The following AGBL4 variants were observed in gnomAD, a reference collection of about 807,000 sequenced individuals.
The protein encoded by AGBL4 is AGBL carboxypeptidase 4.
In AGBL4, 58 loss-of-function variants were observed where a neutral mutation model predicts 66.4. The observed-to-expected ratio is 0.87, with a 90% CI of 0.71 to 1.09. The LOEUF is 1.09. Among genes scored for constraint, AGBL4 ranks in the 50% least tolerant of loss-of-function variants. The pLI, the probability that AGBL4 is intolerant of heterozygous loss-of-function variation, is 0.00. For missense variants in AGBL4, 579 were observed against 631.0 expected, an observed-to-expected ratio of 0.92 and a Z score of 0.88; for synonymous variants, 234 against 222.9, an observed-to-expected ratio of 1.05 and a Z score of -0.44.
At chr1:49,386,601 G>T (rs1644742096) in intron 3 of AGBL4, among the ~76,000 whole-genome samples, 1 of 151,788 alleles carries the variant, frequency 6.6e-6, no homozygotes, top group South Asian at 2.1e-4. Context: ...ATTATTTTTG[G>T]AAACACAATG....
intron 4 of AGBL4, among the ~76,000 whole-genome samples, chr1:49,217,195 T>C (rs573613548): frequency 6.6e-6 from 1 of 152,142 alleles, no homozygotes; most frequent in Non-Finnish European, 1.5e-5. Flanking sequence ...GTGCTAGTTA[T>C]GTAATTTATA....
chr1:48,610,799 T>C (rs1443821671), intron 9 of AGBL4, among the ~76,000 whole-genome samples: 1 of 152,126 alleles, frequency 6.6e-6, no homozygotes, highest in Non-Finnish European at 1.5e-5. Flanking sequence ...CTTCCCACAC[T>C]CCCTGTCTCC....
intron 2 of AGBL4, among the ~76,000 whole-genome samples, chr1:49,834,012 G>C (rs1470220991): frequency 6.6e-6 from 1 of 152,198 alleles, no homozygotes; most frequent in Admixed American, 6.5e-5. Context: ...TTTTCGCATC[G>C]ATGTTCATCA....
intron 1 of AGBL4, among the ~76,000 whole-genome samples, chr1:50,009,616 T>C (rs984691958): frequency 3.3e-5 from 5 of 151,422 alleles, no homozygotes; most frequent in African/African-American, 4.9e-5. Flanking sequence ...ACAAGGATGC[T>C]CACTTTCACC....
At chr1:48,946,440 A>AG (rs1656515264) in intron 5 of AGBL4, among the ~76,000 whole-genome samples, 1 of 152,226 alleles carries the variant, frequency 6.6e-6, no homozygotes, top group African/African-American at 2.4e-5. Flanking sequence ...GCAATGGACT[A>AG]GGACACAGAT....
At chr1:49,489,504 T>G (rs939661594) in intron 3 of AGBL4, among the ~76,000 whole-genome samples, 3 of 151,874 alleles carry the variant, frequency 2.0e-5, no homozygotes, top group Admixed American at 2.0e-4. Flanking sequence ...CTTTCTTGAT[T>G]GTTTCTTTTG....
intron 1 of AGBL4, among the ~76,000 whole-genome samples, chr1:49,993,482 C>G (rs1040536934): frequency 3.9e-5 from 6 of 152,202 alleles, no homozygotes; most frequent in African/African-American, 1.4e-4. Flanking sequence ...CTCACTAACT[C>G]CTCTGTGCAG....
chr1:49,778,900 C>T (rs1250510059), intron 2 of AGBL4, among the ~76,000 whole-genome samples: 2 of 152,136 alleles, frequency 1.3e-5, no homozygotes, highest in South Asian at 2.1e-4. Context: ...CCAATCTCCA[C>T]CAGTATGCAA....
chr1:49,601,861 T>C (rs748214469), intron 3 of AGBL4, among the ~76,000 whole-genome samples: 12 of 152,022 alleles, frequency 7.9e-5, no homozygotes, highest in Non-Finnish European at 1.3e-4. Context: ...ATGGGATCAA[T>C]TAAACTAAAG....
At chr1:48,911,818 C>T (rs1653153288) in intron 5 of AGBL4, among the ~76,000 whole-genome samples, 1 of 152,120 alleles carries the variant, frequency 6.6e-6, no homozygotes, top group Non-Finnish European at 1.5e-5. Flanking sequence ...GAAATATTTT[C>T]ACCAATTTTG....
At chr1:49,333,677 A>C (rs1404781837) in intron 3 of AGBL4, among the ~76,000 whole-genome samples, 1 of 152,176 alleles carries the variant, frequency 6.6e-6, no homozygotes, top group African/African-American at 2.4e-5. Flanking sequence ...ATGAAACAAG[A>C]ATTATGATTT....
intron 5 of AGBL4, among the ~76,000 whole-genome samples, chr1:48,950,242 G>A (rs1488548128): frequency 2.6e-5 from 4 of 152,152 alleles, no homozygotes; most frequent in Non-Finnish European, 5.9e-5. Flanking sequence ...GGTTACAGGC[G>A]TGTGCCACCA....
chr1:49,553,914 G>A (rs1653181307), intron 3 of AGBL4, among the ~76,000 whole-genome samples: 1 of 152,156 alleles, frequency 6.6e-6, no homozygotes, highest in African/African-American at 2.4e-5. Flanking sequence ...TGAGATGGGA[G>A]GATCCCTTGA....
intron 4 of AGBL4, among the ~76,000 whole-genome samples, chr1:49,242,217 C>T (rs942751729): frequency 6.6e-6 from 1 of 151,794 alleles, no homozygotes; most frequent in African/African-American, 2.4e-5. Flanking sequence ...TATTAATCAC[C>T]CCAAGATCTA....
chr1:49,760,815 T>C (rs533718606), intron 2 of AGBL4, among the ~76,000 whole-genome samples: 32 of 152,162 alleles, frequency 2.1e-4, no homozygotes, highest in Non-Finnish European at 4.3e-4. Context: ...ATGTGATACA[T>C]ACACACCATC....
chr1:49,916,532 G>GA (rs1472193462), intron 1 of AGBL4, among the ~76,000 whole-genome samples: 6 of 152,040 alleles, frequency 3.9e-5, no homozygotes, highest in African/African-American at 1.2e-4. Context: ...GAAGTCTAGA[G>GA]AAAAAAGAGT....
At chr1:48,604,689 C>T (rs1316163170) in intron 9 of AGBL4, among the ~76,000 whole-genome samples, 1 of 152,094 alleles carries the variant, frequency 6.6e-6, no homozygotes, top group Non-Finnish European at 1.5e-5. Context: ...AAATGGGATA[C>T]TGGCGGGCTT....
At chr1:49,023,542 C>T (rs561653450) in intron 5 of AGBL4, among the ~76,000 whole-genome samples, 20 of 152,206 alleles carry the variant, frequency 1.3e-4, no homozygotes, top group Admixed American at 1.2e-3. Flanking sequence ...ATGGACTTTA[C>T]CAATAAAAGC....
At chr1:48,817,004 G>A (rs954341140) in intron 6 of AGBL4, among the ~76,000 whole-genome samples, 1 of 152,108 alleles carries the variant, frequency 6.6e-6, no homozygotes, top group Non-Finnish European at 1.5e-5. Flanking sequence ...GAGGCTGAGG[G>A]ACCAACATGT....
Sources: allele counts gnomAD v4.1 joint callset (sites outside exome capture counted in the v4.1 genomes callset), GRCh38; gene constraint gnomAD v4.1.1; transcripts MANE v1.5; gene names NCBI Gene and HGNC (gene_info 2026-07-23, HGNC 2026-07-21).